Variants in ACOXL observed in about 807,000 individuals in gnomAD.
ACOXL encodes acyl-coenzyme A oxidase-like protein.
Under a neutral mutation model 71.9 loss-of-function variants are expected in ACOXL, and 70 were observed. That is an observed-to-expected ratio of 0.97 (90% CI 0.80 to 1.19). The LOEUF (loss-of-function observed/expected upper bound fraction) is 1.19, where lower values mean the gene tolerates loss of function less well. ACOXL is among the 50% of genes most tolerant of loss of function. The pLI is 0.00. For missense variants in ACOXL, 703 were observed against 736.3 expected (o/e 0.95, Z 0.52); for synonymous variants, 253 against 281.6 (o/e 0.90, Z 1.02).
At chr2:110,909,019 T>G in intron 11 of ACOXL, 114 bp downstream of exon 11, 2 of 797,100 alleles carry the variant, frequency 2.5e-6, no homozygotes, top group Non-Finnish European at 3.9e-6. Flanking sequence ...CAGGAAAGAG[T>G]CTGTTGTTAA....
intron 10 of ACOXL, among the ~76,000 whole-genome samples, chr2:110,865,037 T>C (rs923936308): frequency 2.6e-5 from 4 of 152,246 alleles, no homozygotes; most frequent in Admixed American, 6.5e-5. Flanking sequence ...GAGTTTCTTA[T>C]GTATTTCTGT....
At chr2:110,943,055 G>A (rs1574221309) in intron 12 of ACOXL, among the ~76,000 whole-genome samples, 2 of 135,472 alleles carry the variant, frequency 1.5e-5, no homozygotes, top group African/African-American at 5.4e-5. Flanking sequence ...AAGGAAGAAA[G>A]AAAAGGAAGA....
chr2:110,825,209 T>C (rs1455126660), intron 9 of ACOXL, among the ~76,000 whole-genome samples: 1 of 152,364 alleles, frequency 6.6e-6, no homozygotes, highest in Non-Finnish European at 1.5e-5. Flanking sequence ...TGGTTGCCTT[T>C]GCTCAATTTT....
At chr2:110,829,496 G>A (rs1573724179) in intron 9 of ACOXL, among the ~76,000 whole-genome samples, 1 of 152,238 alleles carries the variant, frequency 6.6e-6, no homozygotes, top group Non-Finnish European at 1.5e-5. Flanking sequence ...AGCTCAGGAT[G>A]TACTATCACC....
chr2:110,888,341 G>A (rs1409836590), intron 10 of ACOXL, among the ~76,000 whole-genome samples: 1 of 152,154 alleles, frequency 6.6e-6, no homozygotes, highest in East Asian at 1.9e-4. Context: ...TGCTATAATA[G>A]AAATTTGGGT....
chr2:110,793,162 T>C (rs1684856631), intron 3 of ACOXL, among the ~76,000 whole-genome samples: 1 of 152,258 alleles, frequency 6.6e-6, no homozygotes, highest in South Asian at 2.1e-4. Flanking sequence ...TGAAGTGGGA[T>C]TGAAACCCAG....
At chr2:110,874,036 G>C (rs1695590863) in intron 10 of ACOXL, among the ~76,000 whole-genome samples, 1 of 152,200 alleles carries the variant, frequency 6.6e-6, no homozygotes, top group South Asian at 2.1e-4. Flanking sequence ...GCACTGTGCT[G>C]GGTGGAAAAC....
intron 16 of ACOXL, among the ~76,000 whole-genome samples, chr2:111,092,142 G>C (rs1272446248): frequency 6.6e-6 from 1 of 152,198 alleles, no homozygotes; most frequent in Non-Finnish European, 1.5e-5. Flanking sequence ...AAGGGGAATA[G>C]GTGGGAGCAG....
Position 110,998,191 on chromosome 2 carries a change from C to G in ACOXL, c.1281+2187C>G, listed in dbSNP as rs143839046. 2.0e-4 allele frequency among the ~76,000 whole-genome samples: 31 copies of G among 152,120 alleles called. No homozygotes were observed. The East Asian group carries it at 5.8e-3, about 28-fold the overall frequency. ...GACAAAGTAAAAACATACTGAATTTCTTACATTAATTACAGGGTAAGCAAA... is the reference window on the plus strand; with the variant it reads ...GACAAAGTAAAAACATACTGAATTTGTTACATTAATTACAGGGTAAGCAAA... On this transcript the variant is annotated intron_variant, in intron 14 of 17. Coordinates refer to ENST00000439055, the MANE Select transcript of ACOXL (RefSeq NM_001142807.4).
intron 1 of ACOXL, among the ~76,000 whole-genome samples, chr2:110,757,628 G>C (rs998543782): frequency 6.6e-6 from 1 of 151,992 alleles, no homozygotes; most frequent in Non-Finnish European, 1.5e-5. Flanking sequence ...TGGTTTTGAC[G>C]TGCATTTCTC....
At chr2:110,867,340 C>A (rs992053194) in intron 10 of ACOXL, among the ~76,000 whole-genome samples, 3 of 152,100 alleles carry the variant, frequency 2.0e-5, no homozygotes, top group African/African-American at 7.2e-5. Context: ...GTGCTGGAGA[C>A]AAGAGGTTGA....
In ACOXL at chr2:110,888,481, TAAACAC is replaced by T. The variant is rs200211657; in HGVS notation, c.789-20305_789-20300del. Among the ~76,000 whole-genome samples the T allele has an allele frequency of 6.0e-3, 918 of 152,280 alleles. 11 individuals are homozygous for T. The highest frequency in any genetic ancestry group is 0.021 in the African/African-American group (872 of 41,538). Reference sequence around the variant, plus strand: ...TTCCTTTCTTTATCTCAGGTACACTTAAACACAACACTCCATGATAACCAGAATCTT... The same window carrying T: ...TTCCTTTCTTTATCTCAGGTACACTTAACACTCCATGATAACCAGAATCTT... On this transcript the variant is annotated intron_variant, in intron 10 of 17. Transcript: ENST00000439055.
chr2:111,084,301 A>T (rs1355798791), intron 16 of ACOXL, among the ~76,000 whole-genome samples: 1 of 145,756 alleles, frequency 6.9e-6, no homozygotes, highest in Non-Finnish European at 1.5e-5. Context: ...ACACACACAC[A>T]CACACACAAG....
chr2:110,801,678 T>C lies in ACOXL; in HGVS notation c.574T>C (p.Leu192=). 6.2e-7 allele frequency: 1 copy of C among 1,614,166 alleles called. No individual in the cohort carries two copies. Among genetic ancestry groups the C allele is most frequent in the Non-Finnish European group, 8.5e-7 (1 of 1,180,016 alleles). The change falls in exon 8 of 18, where the codon TTA becomes CTA. Residue 192 remains leucine, a synonymous_variant. Coordinates refer to ENST00000439055, the MANE Select transcript of ACOXL (RefSeq NM_001142807.4). ...EGLHGVDNGI[L]IFDKVRIPRE... Reference sequence around the variant, plus strand: ...TCTGCATGGTGTGGACAATGGGATATTAATATTTGACAAGGTTCGGATACC... The same window carrying C: ...TCTGCATGGTGTGGACAATGGGATACTAATATTTGACAAGGTTCGGATACC...
chr2:110,840,603 G>A (rs561444154), intron 9 of ACOXL, among the ~76,000 whole-genome samples: 1 of 152,230 alleles, frequency 6.6e-6, no homozygotes, highest in African/African-American at 2.4e-5. Context: ...CCTGACCCTT[G>A]TAATCCCTTC....
chr2:111,044,452 G>A (rs1006357609), intron 15 of ACOXL, among the ~76,000 whole-genome samples: 1 of 152,258 alleles, frequency 6.6e-6, no homozygotes, highest in Non-Finnish European at 1.5e-5. Flanking sequence ...CTAAAGCTTA[G>A]CCGCAGGGGC....
At chr2:110,782,038 CTG>C (rs1683402205) in intron 2 of ACOXL, among the ~76,000 whole-genome samples, 1 of 152,128 alleles carries the variant, frequency 6.6e-6, no homozygotes, top group South Asian at 2.1e-4. Flanking sequence ...ATAGCATGGA[CTG>C]TAATTTAGGA....
chr2:111,040,392 T>C (rs1261051706), intron 15 of ACOXL, among the ~76,000 whole-genome samples: 1 of 152,182 alleles, frequency 6.6e-6, no homozygotes, highest in African/African-American at 2.4e-5. Flanking sequence ...GAATCTGACA[T>C]CTACTCAGTT....
chr2:110,743,522 G>A (rs544451366), intron 1 of ACOXL, among the ~76,000 whole-genome samples: 1 of 152,102 alleles, frequency 6.6e-6, no homozygotes, highest in Non-Finnish European at 1.5e-5. Flanking sequence ...AAGGGTGCAA[G>A]GGTTTGGAAA....
Sources: gnomAD v4.1 joint callset for allele counts (sites outside exome capture counted in the v4.1 genomes callset) on GRCh38, gnomAD v4.1.1 for gene constraint, MANE v1.5 for transcripts, NCBI Gene and HGNC (gene_info 2026-07-23, HGNC 2026-07-21) for gene names.